HS2ST1: variants seen among roughly 807,000 people sequenced by gnomAD.
HS2ST1 encodes the protein 2-O-sulfotransferase.
Under a neutral mutation model 42.9 loss-of-function variants are expected in HS2ST1, and 18 were observed. The ratio of observed to expected loss-of-function variants is 0.42; its 90% CI spans 0.29 to 0.62. HS2ST1 has a LOEUF of 0.62. Ranked by LOEUF, HS2ST1 falls within the 20% of genes least tolerant of loss-of-function variation. The probability of loss-of-function intolerance (pLI) is 0.21; values close to 1 mark genes in which losing one functional copy is unlikely to be tolerated. For synonymous variants in HS2ST1, 146 were observed against 152.9 expected, an observed-to-expected ratio of 0.95 and a Z score of 0.33; for missense variants, 334 against 433.8, an observed-to-expected ratio of 0.77 and a Z score of 2.04.
chr1:87,098,066 A>G (rs1652112316), intron 5 of HS2ST1, 131 bp downstream of exon 5: 4 of 1,462,564 alleles, frequency 2.7e-6, no homozygotes, highest in Non-Finnish European at 3.6e-6. Flanking sequence ...TAATTCAGTA[A>G]TATCTAGTTT....
At chr1:86,937,062 G>A (rs879555939) in intron 1 of HS2ST1, among the ~76,000 whole-genome samples, 5 of 151,532 alleles carry the variant, frequency 3.3e-5, no homozygotes, top group Admixed American at 6.6e-5. Flanking sequence ...CTGAGATCAC[G>A]CTACTGCACT....
chr1:87,070,506 A>C (rs1651375622), intron 1 of HS2ST1, among the ~76,000 whole-genome samples: 1 of 151,982 alleles, frequency 6.6e-6, no homozygotes, highest in Non-Finnish European at 1.5e-5. Context: ...TGGGAGGATA[A>C]CCTAAGCCTG....
At chr1:86,935,054 C>T (rs535095774) in intron 1 of HS2ST1, among the ~76,000 whole-genome samples, 8 of 151,238 alleles carry the variant, frequency 5.3e-5, no homozygotes, top group Admixed American at 4.6e-4. Context: ...AATGATATTT[C>T]CTTTTCTGTA....
chr1:87,015,965 C>T (rs1204385634), intron 1 of HS2ST1, among the ~76,000 whole-genome samples: 2 of 151,898 alleles, frequency 1.3e-5, no homozygotes, highest in Non-Finnish European at 2.9e-5. Context: ...TACAGGCATG[C>T]ACCACCACGC....
At chr1:86,943,428 C>A (rs952315631) in intron 1 of HS2ST1, among the ~76,000 whole-genome samples, 1 of 152,142 alleles carries the variant, frequency 6.6e-6, no homozygotes, top group African/African-American at 2.4e-5. Flanking sequence ...AATTAACATT[C>A]TTTTTAGTCC....
chr1:86,961,875 T>C (rs1255191729), intron 1 of HS2ST1, among the ~76,000 whole-genome samples: 1 of 152,170 alleles, frequency 6.6e-6, no homozygotes, highest in Non-Finnish European at 1.5e-5. Flanking sequence ...TTGTGACCTT[T>C]TTTGTGTGGC....
At chr1:87,096,358 G>C (rs1456454516) in intron 4 of HS2ST1, among the ~76,000 whole-genome samples, 2 of 152,152 alleles carry the variant, frequency 1.3e-5, no homozygotes, top group East Asian at 3.9e-4. Flanking sequence ...GGAACATACT[G>C]GTTCACTGAG....
intron 1 of HS2ST1, among the ~76,000 whole-genome samples, chr1:86,936,069 A>T (rs921983582): frequency 5.6e-5 from 8 of 143,934 alleles, no homozygotes; most frequent in Admixed American, 2.7e-4. Flanking sequence ...TTATTATTGC[A>T]ATGGCTTTCT....
intron 1 of HS2ST1, among the ~76,000 whole-genome samples, chr1:87,012,113 T>C (rs923424012): frequency 1.3e-5 from 2 of 152,148 alleles, no homozygotes; most frequent in African/African-American, 4.8e-5. Context: ...GGTGTTCTAC[T>C]TTTTTTTCCT....
chr1:86,976,340 G>A (rs116429017), intron 1 of HS2ST1, among the ~76,000 whole-genome samples: 1,801 of 152,220 alleles, frequency 0.012, 46 homozygotes, highest in African/African-American at 0.041. Flanking sequence ...ATCTGCCATC[G>A]AAGTGATCTG....
intron 1 of HS2ST1, among the ~76,000 whole-genome samples, chr1:87,006,970 C>A (rs933740778): frequency 6.6e-6 from 1 of 151,984 alleles, no homozygotes; most frequent in African/African-American, 2.4e-5. Context: ...AGTGAAATAG[C>A]AGTCTTATAA....
chr1:87,099,265 G>A (rs1391301479), intron 5 of HS2ST1, among the ~76,000 whole-genome samples: 1 of 152,182 alleles, frequency 6.6e-6, no homozygotes, highest in Non-Finnish European at 1.5e-5. Context: ...AAGAAAAGAG[G>A]TTTAATTGGC....
intron 1 of HS2ST1, among the ~76,000 whole-genome samples, chr1:86,945,879 G>A (rs915708215): frequency 2.0e-5 from 3 of 151,950 alleles, no homozygotes; most frequent in African/African-American, 7.3e-5. Context: ...GACCACCCTG[G>A]GCAGCATGGC....
intron 1 of HS2ST1, among the ~76,000 whole-genome samples, chr1:87,010,633 G>A (rs1171223380): frequency 6.6e-6 from 1 of 151,906 alleles, no homozygotes; most frequent in Non-Finnish European, 1.5e-5. Context: ...AATACTAGAT[G>A]TTCTGCTCTT....
chr1:87,042,761 G>T (rs951020476), intron 1 of HS2ST1, among the ~76,000 whole-genome samples: 7 of 152,058 alleles, frequency 4.6e-5, no homozygotes, highest in Non-Finnish European at 7.4e-5. Flanking sequence ...CATTTCCACA[G>T]TCATCATTGG....
chr1:87,092,742 T>A, intron 4 of HS2ST1, 73 bp downstream of exon 4: 1 of 956,514 alleles, frequency 1.0e-6, no homozygotes, highest in Non-Finnish European at 1.4e-6. Context: ...GCTTTTAAAA[T>A]TTGTTGTTAA....
intron 1 of HS2ST1, among the ~76,000 whole-genome samples, chr1:87,033,539 T>TTTTG (rs377353101): frequency 0.11 from 16,800 of 151,766 alleles, 989 homozygotes; most frequent in African/African-American, 0.14. Context: ...TTTTTTGTTT[T>TTTTG]TTTGTTTGTT....
At chr1:87,003,357 C>T (rs1649345435) in intron 1 of HS2ST1, among the ~76,000 whole-genome samples, 1 of 152,088 alleles carries the variant, frequency 6.6e-6, no homozygotes, top group Middle Eastern at 3.2e-3. Flanking sequence ...ATTTTATGTG[C>T]AGTTAACTAA....
intron 1 of HS2ST1, among the ~76,000 whole-genome samples, chr1:87,035,157 G>T (rs906539909): frequency 6.6e-6 from 1 of 152,118 alleles, no homozygotes; most frequent in African/African-American, 2.4e-5. Flanking sequence ...CCTCCAGAAG[G>T]AACATAACCT....
Sources: gnomAD v4.1 joint callset for allele counts (sites outside exome capture counted in the v4.1 genomes callset) on GRCh38, gnomAD v4.1.1 for gene constraint, MANE v1.5 for transcripts, NCBI Gene and HGNC (gene_info 2026-07-23, HGNC 2026-07-21) for gene names.